The following RELN variants were observed in gnomAD, a reference collection of about 807,000 sequenced individuals.
RELN encodes the protein reelin.
A neutral mutation model predicts 427.6 loss-of-function variants in RELN; 108 were observed. That is an observed-to-expected ratio of 0.25 (90% CI 0.22 to 0.30). The LOEUF is 0.30. Ranked by LOEUF, RELN falls within the 10% of genes least tolerant of loss-of-function variation. The pLI, the probability that RELN is intolerant of heterozygous loss-of-function variation, is 1.00. For synonymous variants in RELN, 1,524 were observed against 1,513.4 expected, an observed-to-expected ratio of 1.01 and a Z score of -0.16; for missense variants, 3,715 against 4,302.8, an observed-to-expected ratio of 0.86 and a Z score of 3.82.
chr7:103,613,242 A>G (rs1449107281), intron 20 of RELN, among the ~76,000 whole-genome samples: 3 of 152,204 alleles, frequency 2.0e-5, no homozygotes, highest in Admixed American at 1.3e-4. Flanking sequence ...CAAAGACACT[A>G]TATCTTTGTT....
chr7:103,824,741 G>A lies in RELN; in HGVS notation c.473+8796C>T, dbSNP rs1793092360. ...GAAGAATTTCTGCTATGCCAGTTCA[G>A]TCTTCCATGATGCCAGAAATCCTCT... On this transcript the variant is annotated intron_variant, in intron 3 of 64. Transcript: ENST00000428762. The surrounding 1 kb of genome is among the most constrained non-coding windows in gnomAD (Gnocchi z 4.4). 6.6e-6 allele frequency among the ~76,000 whole-genome samples: 1 copy of A among 150,738 alleles called. No individual in the cohort carries two copies. Among genetic ancestry groups the A allele is most frequent in the South Asian group, 2.1e-4 (1 of 4,782 alleles).
At chr7:103,635,953 A>G (rs559036230) in intron 18 of RELN, among the ~76,000 whole-genome samples, 1 of 152,194 alleles carries the variant, frequency 6.6e-6, no homozygotes, top group African/African-American at 2.4e-5. Flanking sequence ...CAATAAAACT[A>G]CATAAATAAT....
chr7:103,554,112 A>C (rs1174050906), intron 38 of RELN, among the ~76,000 whole-genome samples: 1 of 150,358 alleles, frequency 6.7e-6, no homozygotes, highest in Non-Finnish European at 1.5e-5. Context: ...GCTTGGGTCC[A>C]GGAGTTTGAG....
intron 2 of RELN, among the ~76,000 whole-genome samples, chr7:103,905,857 A>G (rs1391647479): frequency 6.6e-6 from 1 of 152,136 alleles, no homozygotes; most frequent in Admixed American, 6.6e-5. Context: ...GGAGAATTCC[A>G]CGGAGGTAGC....
At chr7:103,596,783 T>C (rs1831547922) in intron 24 of RELN, 122 bp from the exon 25 acceptor site, 1 of 844,762 alleles carries the variant, frequency 1.2e-6, no homozygotes, top group Admixed American at 2.0e-5. Context: ...TCCCCATTTA[T>C]TGTGGAGAGA....
chr7:103,844,515 A>C (rs561940341), intron 2 of RELN, among the ~76,000 whole-genome samples: 2 of 152,124 alleles, frequency 1.3e-5, no homozygotes, highest in East Asian at 3.9e-4. Flanking sequence ...TTCATTAAAA[A>C]CCCTAAGAAG....
rs560738013 is a variant in RELN, at chr7:103,919,422, A to G, written c.227-2237T>C. Among the ~76,000 whole-genome samples the G allele has an allele frequency of 1.1e-4, 17 of 152,196 alleles. 1 individual carries two copies. In the East Asian group the frequency reaches 3.1e-3, roughly 28 times the overall value. On this transcript the variant is annotated intron_variant, in intron 1 of 64. Transcript: ENST00000428762. Reference sequence around the variant, plus strand: ...TCACACCAAGGAACTTCGACTTTGAATCTATGTCAGGAACACCCTTCTCTC... The same window carrying G: ...TCACACCAAGGAACTTCGACTTTGAGTCTATGTCAGGAACACCCTTCTCTC...
intron 28 of RELN, among the ~76,000 whole-genome samples, chr7:103,583,791 C>T (rs1831209028): frequency 6.6e-6 from 1 of 152,106 alleles, no homozygotes; most frequent in Admixed American, 6.5e-5. Flanking sequence ...GAAAGAGCGT[C>T]AGCAGTCCAC....
chr7:103,823,085 T>A (rs1793048982), intron 3 of RELN, among the ~76,000 whole-genome samples: 1 of 152,076 alleles, frequency 6.6e-6, no homozygotes, highest in African/African-American at 2.4e-5. Context: ...GTTATTTTGT[T>A]CTTAGGTAAT....
chr7:103,727,963 C>A, intron 7 of RELN, 148 bp downstream of exon 7: 1 of 739,228 alleles, frequency 1.4e-6, no homozygotes. Flanking sequence ...ATAGAATCAC[C>A]CCTCCCAATT....
At chr7:103,876,449 G>T (rs1247137389) in intron 2 of RELN, among the ~76,000 whole-genome samples, 1 of 151,966 alleles carries the variant, frequency 6.6e-6, no homozygotes. Context: ...AGTATTTATT[G>T]GTCTATGCAC....
intron 51 of RELN, among the ~76,000 whole-genome samples, chr7:103,503,893 T>TAAA (rs71154347): frequency 5.2e-4 from 50 of 96,604 alleles, no homozygotes; most frequent in East Asian, 1.5e-3. Flanking sequence ...AATGTTCTTG[T>TAAA]AAAAAAAAAA....
At chr7:103,799,632 C>A (rs1792395171) in intron 3 of RELN, among the ~76,000 whole-genome samples, 1 of 152,200 alleles carries the variant, frequency 6.6e-6, no homozygotes, top group African/African-American at 2.4e-5. Flanking sequence ...TCAGAGAGGC[C>A]TTTCCCAAAC....
In RELN at chr7:103,545,294, G is replaced by A. The variant is rs767320971; in HGVS notation, c.6353C>T (p.Pro2118Leu). The change falls in exon 42 of 65, where the codon CCA becomes CTA. Residue 2118 changes from proline (P) to leucine (L), a missense_variant. By Grantham distance (98) the Pro-to-Leu change is moderately conservative. Transcript: ENST00000428762. ...YQGFYPAGSQPVTWAIDNVYI... is the reference protein window; with the variant it reads ...YQGFYPAGSQLVTWAIDNVYI... ...GACATTATCAATGGCCCATGTCACT[G>A]GCTGAGAGCCGGCAGGGTAAAATCC... 14 of 1,613,982 alleles carry A rather than the reference G, an allele frequency of 8.7e-6. No individual in the cohort carries two copies. Among genetic ancestry groups the A allele is most frequent in the African/African-American group, 2.7e-5 (2 of 74,906 alleles).
chr7:103,925,088 A>G (rs1795702804), intron 1 of RELN, among the ~76,000 whole-genome samples: 1 of 151,782 alleles, frequency 6.6e-6, no homozygotes, highest in Admixed American at 6.6e-5. Flanking sequence ...AAAATCTCAC[A>G]TCTTATTCAG....
intron 2 of RELN, among the ~76,000 whole-genome samples, chr7:103,855,327 G>A (rs915086001): frequency 1.3e-5 from 2 of 152,216 alleles, no homozygotes; most frequent in African/African-American, 4.8e-5. Flanking sequence ...AGTCAGAATG[G>A]GAGGCCATCA....
chr7:103,681,973 C>T (rs896087409), intron 11 of RELN, 143 bp downstream of exon 11: 7 of 809,424 alleles, frequency 8.6e-6, no homozygotes, highest in African/African-American at 1.7e-5. Context: ...AGGGTAAGTG[C>T]ACCCCTTTTG....
chr7:103,711,205 T>C lies in RELN; in HGVS notation c.806-10199A>G, dbSNP rs113182361. Among the ~76,000 whole-genome samples the C allele has an allele frequency of 5.0e-4, 76 of 152,354 alleles. 1 individual carries two copies. Among genetic ancestry groups the C allele is most frequent in the African/African-American group, 1.8e-3 (74 of 41,588 alleles). ...AGTCAATTTTGAACAATTTGTAATT[T>C]GTTTTTATTTCTTTTTGCATTCTAA... On this transcript the variant is annotated intron_variant, in intron 8 of 64. Transcript: ENST00000428762.
At position 103,483,997 on chromosome 7, in the gene RELN, G is replaced by T. The variant is rs561359418; in HGVS notation, c.9984-147C>A. 24 of 763,900 alleles carry T rather than the reference G, an allele frequency of 3.1e-5. No individual in the cohort carries two copies. The East Asian group carries it at 6.2e-4, about 20-fold the overall frequency. 47.3% of individuals were successfully genotyped at this position (763,900 alleles called of 1,614,324 possible). Reference sequence around the variant, plus strand: ...TGGGTTCAAGCGATTTTCCTGCCTCGGTCTCCCTAGTAGCTGGCATAACAG... The same window carrying T: ...TGGGTTCAAGCGATTTTCCTGCCTCTGTCTCCCTAGTAGCTGGCATAACAG... On this transcript the variant is annotated intron_variant, in intron 61 of 64. Transcript: ENST00000428762.
Sources: allele counts gnomAD v4.1 joint callset (sites outside exome capture counted in the v4.1 genomes callset), GRCh38; gene constraint gnomAD v4.1.1; non-coding constraint Gnocchi (gnomAD v3.1); transcripts MANE v1.5; gene names NCBI Gene and HGNC (gene_info 2026-07-23, HGNC 2026-07-21).